Variants in PPIL6 observed in about 807,000 individuals in gnomAD.
PPIL6 encodes peptidylprolyl isomerase like 6.
A neutral mutation model predicts 36.8 loss-of-function variants in PPIL6; 39 were observed. The observed-to-expected ratio is 1.06, with a 90% CI of 0.82 to 1.38. The LOEUF (loss-of-function observed/expected upper bound fraction) is 1.38, where lower values mean the gene tolerates loss of function less well. Ranked by LOEUF, PPIL6 falls within the 40% of genes most tolerant of loss-of-function variation. PPIL6 has a pLI of 0.00. For missense variants in PPIL6, 368 were observed against 379.1 expected, an observed-to-expected ratio of 0.97 and a Z score of 0.24; for synonymous variants, 123 against 134.1, an observed-to-expected ratio of 0.92 and a Z score of 0.57.
chr6:109,406,217 ATTT>A (rs397887454), intron 6 of PPIL6, among the ~76,000 whole-genome samples: 1 of 140,568 alleles, frequency 7.1e-6, no homozygotes, highest in Non-Finnish European at 1.6e-5. Context: ...CGCCCAGCTA[ATTT>A]TTTTTTTTTT....
chr6:109,436,506 T>A (rs1331962849), intron 1 of PPIL6, among the ~76,000 whole-genome samples: 1 of 152,026 alleles, frequency 6.6e-6, no homozygotes, highest in East Asian at 1.9e-4. Flanking sequence ...TCACCTGAGG[T>A]CAGGAGATTG....
intron 6 of PPIL6, among the ~76,000 whole-genome samples, chr6:109,410,419 C>T (rs543237920): frequency 1.3e-5 from 2 of 152,230 alleles, no homozygotes; most frequent in South Asian, 2.1e-4. Context: ...AGGGAATCAT[C>T]TTCATGGCTG....
At chr6:109,395,235 C>T (rs1772246649) in intron 7 of PPIL6, among the ~76,000 whole-genome samples, 1 of 151,968 alleles carries the variant, frequency 6.6e-6, no homozygotes, top group Non-Finnish European at 1.5e-5. Flanking sequence ...GGGGAAAACC[C>T]ATCTCTACTA....
At position 109,390,634 on chromosome 6, in the gene PPIL6, G is replaced by A. The variant is rs1223353617; in HGVS notation, c.*2192C>T. ...CAGGGGAGTGGGTTGACTGTAAAGG[G>A]GTACTGGAAGGGGGTCTTTGAGGTG... On this transcript the variant is annotated 3_prime_UTR_variant, in exon 8 of 8. Transcript: ENST00000521072. 3 of 152,304 alleles carry A rather than the reference G, an allele frequency of 2.0e-5. No homozygotes were observed. Among genetic ancestry groups the A allele is most frequent in the Non-Finnish European group, 4.4e-5 (3 of 68,090 alleles). The allele number at this position is 152,304 out of a possible 1,614,324, so 9.4% of individuals were successfully genotyped here.
chr6:109,431,335 T>A lies in PPIL6; in HGVS notation c.242A>T (p.Asn81Ile), dbSNP rs779398537. Residue 81 changes from asparagine (N) to isoleucine (I), a missense_variant, in exon 3 of 8, where the codon AAT becomes ATT. Asn to Ile is a moderately radical substitution (Grantham distance 149). Transcript: ENST00000521072. Reference sequence around the variant, plus strand: ...AGAGGAAGAATATTCCCAGGTTTCATTTTTGAGTTCCTGTAAGGGAAAAGG... The same window carrying A: ...AGAGGAAGAATATTCCCAGGTTTCAATTTTGAGTTCCTGTAAGGGAAAAGG... ...YLQEKKRELK[N>I]ETWEYSSSVI... 6.3e-7 allele frequency: 1 copy of A among 1,593,094 alleles called. No homozygotes were observed. Among genetic ancestry groups the A allele is most frequent in the Non-Finnish European group, 8.5e-7 (1 of 1,171,140 alleles).
At position 109,419,252 on chromosome 6, in the gene PPIL6, T is replaced by C; in HGVS notation, c.632-9A>G. The stretch of plus-strand genomic sequence containing the variant: ...TTTTCCATACACTATATCTGAGAAA[T>C]AGCAACAAATAAACATTAGAATTTT... On this transcript the variant is annotated splice_polypyrimidine_tract_variant and intron_variant, in intron 5 of 7. Transcript: ENST00000521072. The C allele has an allele frequency of 6.7e-7, 1 of 1,490,510 alleles. No homozygotes were observed. Among genetic ancestry groups the C allele is most frequent in the Non-Finnish European group, 9.3e-7 (1 of 1,070,696 alleles). 92.3% of individuals were successfully genotyped at this position (1,490,510 alleles called of 1,614,324 possible).
intron 6 of PPIL6, among the ~76,000 whole-genome samples, chr6:109,414,075 A>G (rs1773132399): frequency 6.6e-6 from 1 of 152,224 alleles, no homozygotes; most frequent in South Asian, 2.1e-4. Context: ...AACTATAGTC[A>G]ATAATAATTG....
chr6:109,417,860 C>T lies in PPIL6; in HGVS notation c.688+1327G>A, dbSNP rs910399626. 5.9e-5 allele frequency among the ~76,000 whole-genome samples: 9 copies of T among 152,194 alleles called. 1 individual carries two copies. In the South Asian group the frequency reaches 1.0e-3, roughly 18 times the overall value. On this transcript the variant is annotated intron_variant, in intron 6 of 7. Transcript: ENST00000521072. Reference sequence around the variant, plus strand: ...AAGGATAATCATTTCAAAACAATTACGTAATCTTCCCCAATTTTCCTTTAA... The same window carrying T: ...AAGGATAATCATTTCAAAACAATTATGTAATCTTCCCCAATTTTCCTTTAA...
intron 1 of PPIL6, among the ~76,000 whole-genome samples, chr6:109,439,815 C>G (rs1774696765): frequency 6.6e-6 from 1 of 152,182 alleles, no homozygotes; most frequent in Non-Finnish European, 1.5e-5. Context: ...ACATTTCATA[C>G]ATTTCTCCTG....
chr6:109,398,659 T>C (rs1562254967), intron 7 of PPIL6, among the ~76,000 whole-genome samples: 1 of 152,218 alleles, frequency 6.6e-6, no homozygotes, highest in East Asian at 1.9e-4. Flanking sequence ...ATAATAACTA[T>C]TACCTGTGAT....
At chr6:109,436,076 T>C (rs375005416) in intron 2 of PPIL6, 28 bp downstream of exon 2, 4 of 1,230,342 alleles carry the variant, frequency 3.3e-6, no homozygotes, top group Non-Finnish European at 4.8e-6. Context: ...TTGTTGTCTA[T>C]ATCCCCCACA....
In PPIL6 at chr6:109,430,646, C is replaced by T. The variant is rs188887454; in HGVS notation, c.420+511G>A. On this transcript the variant is annotated intron_variant, in intron 3 of 7. Coordinates refer to ENST00000521072, the MANE Select transcript of PPIL6 (RefSeq NM_173672.5). ...TTCACCGTGTTGGCCAGGATGGTCT[C>T]GATCTCTTGACCTTGTGATCCACCT... 2.6e-5 allele frequency among the ~76,000 whole-genome samples: 4 copies of T among 152,278 alleles called. No homozygotes were observed. In the South Asian group the frequency reaches 6.2e-4, roughly 24 times the overall value.
chr6:109,431,156 C>A lies in PPIL6; in HGVS notation c.420+1G>T, dbSNP rs781294457. ...TTTCTTTAAAAGTTAGTATAACTTG[C>A]CTTGGTGTCTCTTAAGAACTTAGCG... On this transcript the variant is annotated splice_donor_variant, in intron 3 of 7. Coordinates refer to ENST00000521072, the MANE Select transcript of PPIL6 (RefSeq NM_173672.5). LOFTEE classifies it high-confidence loss of function. The A allele has an allele frequency of 1.3e-6, 2 of 1,593,436 alleles. No individual in the cohort carries two copies. Among genetic ancestry groups the A allele is most frequent in the Non-Finnish European group, 1.7e-6 (2 of 1,166,148 alleles).
intron 6 of PPIL6, among the ~76,000 whole-genome samples, chr6:109,402,334 G>A (rs1029169827): frequency 2.0e-5 from 3 of 152,078 alleles, no homozygotes; most frequent in African/African-American, 4.8e-5. Flanking sequence ...CCAGGAGTTC[G>A]AGACCAGTCT....
chr6:109,431,074 A>G, intron 3 of PPIL6, 83 bp downstream of exon 3: 2 of 972,730 alleles, frequency 2.1e-6, no homozygotes, highest in Non-Finnish European at 3.1e-6. Flanking sequence ...AATCTCCTTC[A>G]TTAGGACATC....
At chr6:109,429,530 G>A (rs1250501383) in intron 3 of PPIL6, among the ~76,000 whole-genome samples, 3 of 152,116 alleles carry the variant, frequency 2.0e-5, no homozygotes, top group African/African-American at 7.2e-5. Context: ...AGAACCTAAA[G>A]GGGCCAGATT....
chr6:109,428,107 G>A (rs1773923136), intron 3 of PPIL6, among the ~76,000 whole-genome samples: 1 of 152,186 alleles, frequency 6.6e-6, no homozygotes, highest in Admixed American at 6.5e-5. Context: ...GTCTTCACTT[G>A]ATATCCTTTC....
intron 1 of PPIL6, among the ~76,000 whole-genome samples, chr6:109,437,305 C>T (rs1012267754): frequency 2.6e-5 from 4 of 152,154 alleles, no homozygotes; most frequent in African/African-American, 4.8e-5. Context: ...AGGGACAGTG[C>T]TTGGAGGTCC....
chr6:109,423,816 T>C (rs1030093464), intron 5 of PPIL6, among the ~76,000 whole-genome samples: 5 of 152,196 alleles, frequency 3.3e-5, no homozygotes, highest in Admixed American at 3.3e-4. Context: ...ATCTTAACTT[T>C]GGACTTTAAA....
Sources: gnomAD v4.1 joint callset for allele counts (sites outside exome capture counted in the v4.1 genomes callset) on GRCh38, gnomAD v4.1.1 for gene constraint, MANE v1.5 for transcripts, NCBI Gene and HGNC (gene_info 2026-07-23, HGNC 2026-07-21) for gene names.